Variants in CCDC192 observed in about 807,000 individuals in gnomAD.
The protein encoded by CCDC192 is coiled-coil domain containing 192.
intron 6 of CCDC192, among the ~76,000 whole-genome samples, chr5:127,926,117 A>G (rs1426498584): frequency 6.6e-6 from 1 of 152,196 alleles, no homozygotes; most frequent in East Asian, 1.9e-4. Flanking sequence ...GCCTTATTTG[A>G]ACACAGTTTG....
At chr5:127,847,144 T>C (rs1052541774) in intron 5 of CCDC192, among the ~76,000 whole-genome samples, 13 of 152,274 alleles carry the variant, frequency 8.5e-5, no homozygotes, top group African/African-American at 3.1e-4. Flanking sequence ...TCTCTTGCTA[T>C]GCTTTGTGTT....
chr5:127,873,992 T>G (rs1156970216), intron 5 of CCDC192, among the ~76,000 whole-genome samples: 1 of 152,358 alleles, frequency 6.6e-6, no homozygotes, highest in Non-Finnish European at 1.5e-5. Flanking sequence ...ATGAAGGCTT[T>G]CAGTGAATGG....
chr5:127,734,331 G>T (rs1752835878), intron 2 of CCDC192, among the ~76,000 whole-genome samples: 1 of 151,844 alleles, frequency 6.6e-6, no homozygotes, highest in Non-Finnish European at 1.5e-5. Flanking sequence ...TATCATTGTT[G>T]GACATTTGGG....
intron 2 of CCDC192, among the ~76,000 whole-genome samples, chr5:127,717,304 A>C (rs989186175): frequency 1.3e-4 from 20 of 152,176 alleles, no homozygotes; most frequent in African/African-American, 4.8e-4. Context: ...TGCTAAAGGT[A>C]AGTAATGTTA....
chr5:127,911,979 T>C (rs1753373104), intron 6 of CCDC192, among the ~76,000 whole-genome samples: 1 of 152,048 alleles, frequency 6.6e-6, no homozygotes, highest in South Asian at 2.1e-4. Context: ...TGGAGTGCTG[T>C]GGTGCAATCT....
intron 6 of CCDC192, among the ~76,000 whole-genome samples, chr5:127,928,770 CTT>C (rs1162784202): frequency 1.4e-5 from 2 of 145,114 alleles, no homozygotes; most frequent in Non-Finnish European, 1.5e-5. Flanking sequence ...CCATGTTATT[CTT>C]TTTTTTTTTT....
intron 6 of CCDC192, among the ~76,000 whole-genome samples, chr5:127,885,647 A>T (rs533896631): frequency 2.0e-5 from 3 of 152,326 alleles, no homozygotes; most frequent in South Asian, 4.1e-4. Context: ...GAAAGAGTAG[A>T]TACTTCTAGG....
intron 5 of CCDC192, among the ~76,000 whole-genome samples, chr5:127,853,800 A>G (rs1750919997): frequency 6.6e-6 from 1 of 152,046 alleles, no homozygotes; most frequent in African/African-American, 2.4e-5. Context: ...ACAAACAAAA[A>G]ACAAACAAAA....
intron 5 of CCDC192, among the ~76,000 whole-genome samples, chr5:127,814,758 G>A (rs752086440): frequency 2.6e-5 from 4 of 152,132 alleles, no homozygotes; most frequent in Non-Finnish European, 5.9e-5. Context: ...TCCCTTGCTG[G>A]TTAGTTTCAA....
intron 6 of CCDC192, among the ~76,000 whole-genome samples, chr5:127,903,244 T>C (rs1181594079): frequency 6.6e-6 from 1 of 150,428 alleles, no homozygotes; most frequent in Non-Finnish European, 1.5e-5. Context: ...TGGAGGAATT[T>C]TTTTTTTTTT....
At chr5:127,788,288 A>C (rs2126949182) in intron 3 of CCDC192, among the ~76,000 whole-genome samples, 1 of 152,236 alleles carries the variant, frequency 6.6e-6, no homozygotes, top group Non-Finnish European at 1.5e-5. Context: ...TACTTTTATA[A>C]AAATTTTTGA....
chr5:127,878,153 G>A (rs1053563840), intron 6 of CCDC192, among the ~76,000 whole-genome samples: 3 of 152,194 alleles, frequency 2.0e-5, no homozygotes, highest in African/African-American at 4.8e-5. Flanking sequence ...TGGAAATATG[G>A]CCACAAGCAG....
At chr5:127,775,328 G>A (rs1170513828) in intron 3 of CCDC192, among the ~76,000 whole-genome samples, 2 of 152,168 alleles carry the variant, frequency 1.3e-5, no homozygotes, top group Non-Finnish European at 1.5e-5. Context: ...CTAGGGATAA[G>A]CCCCTATGTT....
At chr5:127,882,403 T>C (rs946714898) in intron 6 of CCDC192, among the ~76,000 whole-genome samples, 1 of 152,086 alleles carries the variant, frequency 6.6e-6, no homozygotes, top group Non-Finnish European at 1.5e-5. Flanking sequence ...CTCAAACCTC[T>C]CTCTTGCAAT....
chr5:127,749,199 A>G (rs1353918124), intron 2 of CCDC192, among the ~76,000 whole-genome samples: 2 of 151,980 alleles, frequency 1.3e-5, no homozygotes, highest in African/African-American at 4.8e-5. Context: ...CCAGTTTTCA[A>G]AGGGAATGCT....
At chr5:127,812,541 G>A (rs1376952455) in intron 5 of CCDC192, among the ~76,000 whole-genome samples, 2 of 152,108 alleles carry the variant, frequency 1.3e-5, no homozygotes, top group Non-Finnish European at 2.9e-5. Flanking sequence ...GTGTTTAAAA[G>A]CATATATTTT....
At chr5:127,899,268 C>T (rs1164901071) in intron 6 of CCDC192, among the ~76,000 whole-genome samples, 3 of 152,224 alleles carry the variant, frequency 2.0e-5, no homozygotes, top group East Asian at 3.9e-4. Flanking sequence ...TCTATACAGA[C>T]ATTTGTCTGA....
chr5:127,767,806 A>G (rs1755314675), intron 3 of CCDC192, among the ~76,000 whole-genome samples: 1 of 152,186 alleles, frequency 6.6e-6, no homozygotes, highest in African/African-American at 2.4e-5. Flanking sequence ...TTATTAAATG[A>G]TCCTTTATTA....
At chr5:127,836,583 C>G (rs973305349) in intron 5 of CCDC192, among the ~76,000 whole-genome samples, 6 of 152,250 alleles carry the variant, frequency 3.9e-5, no homozygotes, top group African/African-American at 1.4e-4. Context: ...TTTCATACCT[C>G]CTCTGAAATC....
Sources: allele counts gnomAD v4.1 joint callset (sites outside exome capture counted in the v4.1 genomes callset), GRCh38; gene constraint gnomAD v4.1.1; transcripts MANE v1.5; gene names NCBI Gene and HGNC (gene_info 2026-07-23, HGNC 2026-07-21).